Variants in CAMK1D observed in about 807,000 individuals in gnomAD.
The protein encoded by CAMK1D is calcium/calmodulin dependent protein kinase ID.
A neutral mutation model predicts 47.7 loss-of-function variants in CAMK1D; 9 were observed. The observed-to-expected ratio is 0.19, with a 90% CI of 0.11 to 0.33. The LOEUF (loss-of-function observed/expected upper bound fraction) is 0.33. Among genes scored for constraint, CAMK1D ranks in the 10% least tolerant of loss-of-function variants. The pLI is 1.00. For missense variants in CAMK1D, 291 were observed against 488.7 expected (o/e 0.60, Z 3.81); for synonymous variants, 184 against 184.9 (o/e 0.99, Z 0.04).
At chr10:12,387,527 G>A (rs566201993) in intron 1 of CAMK1D, among the ~76,000 whole-genome samples, 1 of 131,862 alleles carries the variant, frequency 7.6e-6, no homozygotes, top group Non-Finnish European at 1.6e-5. Context: ...TTTTTTTTGA[G>A]ACAGGGTCTG....
chr10:12,477,514 T>C (rs1180516508), intron 1 of CAMK1D, among the ~76,000 whole-genome samples: 1 of 152,184 alleles, frequency 6.6e-6, no homozygotes, highest in Non-Finnish European at 1.5e-5. Context: ...GAGTCTCCCC[T>C]GGAGTGTGGT....
intron 3 of CAMK1D, among the ~76,000 whole-genome samples, chr10:12,698,194 A>AT (rs1485133017): frequency 6.6e-6 from 1 of 152,234 alleles, no homozygotes; most frequent in Admixed American, 6.5e-5. Context: ...TATTTGATGC[A>AT]TAAACTCATG....
intron 1 of CAMK1D, among the ~76,000 whole-genome samples, chr10:12,350,979 C>T (rs554522970): frequency 2.6e-5 from 4 of 152,104 alleles, no homozygotes; most frequent in Non-Finnish European, 4.4e-5. Context: ...TTGTTGGGTG[C>T]CCTTTCTTTC....
Position 12,512,643 on chromosome 10 carries a change from G to A in CAMK1D, c.93-40582G>A, listed in dbSNP as rs529948926. 5.9e-5 allele frequency among the ~76,000 whole-genome samples: 9 copies of A among 152,280 alleles called. No individual in the cohort carries two copies. In the South Asian group the frequency reaches 6.2e-4, roughly 11 times the overall value. ...ACTCCGTAGTGGCTACTGGGGCATC[G>A]TTTTCTGATTTCCAGGTGCCCCTTT... On this transcript the variant is annotated intron_variant, in intron 1 of 10. Transcript: ENST00000619168.
At chr10:12,553,601 G>A (rs1836662932) in intron 2 of CAMK1D, among the ~76,000 whole-genome samples, 1 of 152,216 alleles carries the variant, frequency 6.6e-6, no homozygotes. Flanking sequence ...AGACTTGCTT[G>A]TGAACCGAGA....
intron 1 of CAMK1D, among the ~76,000 whole-genome samples, chr10:12,384,563 T>G (rs1838435850): frequency 6.6e-6 from 1 of 152,200 alleles, no homozygotes; most frequent in Non-Finnish European, 1.5e-5. Context: ...ACTGTCTTAT[T>G]GGTTAAGATA....
chr10:12,362,756 C>T (rs963823845), intron 1 of CAMK1D, among the ~76,000 whole-genome samples: 7 of 152,160 alleles, frequency 4.6e-5, no homozygotes, highest in Non-Finnish European at 7.3e-5. Context: ...CTGATCTGCC[C>T]GCCTCGGCCT....
chr10:12,790,610 C>CA (rs1837938073), intron 5 of CAMK1D, among the ~76,000 whole-genome samples: 11 of 121,990 alleles, frequency 9.0e-5, no homozygotes, highest in Non-Finnish European at 1.6e-4. Flanking sequence ...CACACACACA[C>CA]ACGCACACAC....
chr10:12,424,722 T>A (rs1425106118), intron 1 of CAMK1D, among the ~76,000 whole-genome samples: 1 of 152,044 alleles, frequency 6.6e-6, no homozygotes, highest in East Asian at 1.9e-4. Context: ...GGCAAGAGGA[T>A]CACTTGAGCC....
chr10:12,710,331 G>A (rs564469473), intron 3 of CAMK1D, among the ~76,000 whole-genome samples: 1 of 152,174 alleles, frequency 6.6e-6, no homozygotes, highest in Admixed American at 6.5e-5. Context: ...TTTCTGGACA[G>A]TGTCTTGATA....
At chr10:12,764,352 G>T (rs1836643651) in intron 4 of CAMK1D, among the ~76,000 whole-genome samples, 1 of 89,892 alleles carries the variant, frequency 1.1e-5, no homozygotes, top group Non-Finnish European at 2.0e-5. Flanking sequence ...TTGCACTCCA[G>T]TCTGGGCAAC....
At chr10:12,801,453 A>T (rs950108407) in intron 6 of CAMK1D, among the ~76,000 whole-genome samples, 1 of 149,382 alleles carries the variant, frequency 6.7e-6, no homozygotes, top group South Asian at 2.1e-4. Context: ...CCATCCATTC[A>T]TCTATCTATC....
intron 1 of CAMK1D, among the ~76,000 whole-genome samples, chr10:12,423,674 T>C (rs1840132410): frequency 6.6e-6 from 1 of 152,180 alleles, no homozygotes; most frequent in Admixed American, 6.5e-5. Context: ...TCAGTCTTCC[T>C]TTTCCCAATC....
At chr10:12,620,946 G>C (rs1370550164) in intron 2 of CAMK1D, among the ~76,000 whole-genome samples, 1 of 152,152 alleles carries the variant, frequency 6.6e-6, no homozygotes, top group East Asian at 1.9e-4. Context: ...TTTTGTATAA[G>C]GGGTGAGATT....
At chr10:12,828,157 C>G (rs190386467) in intron 10 of CAMK1D, among the ~76,000 whole-genome samples, 1 of 152,300 alleles carries the variant, frequency 6.6e-6, no homozygotes, top group East Asian at 1.9e-4. Flanking sequence ...AGCCTGGTGC[C>G]TGCTACATAT....
intron 1 of CAMK1D, among the ~76,000 whole-genome samples, chr10:12,425,496 T>C (rs1840200601): frequency 6.6e-6 from 1 of 152,004 alleles, no homozygotes; most frequent in South Asian, 2.1e-4. Context: ...TGGCCAGGCT[T>C]GTCTTGAACT....
chr10:12,622,268 G>A (rs1410742338), intron 2 of CAMK1D, among the ~76,000 whole-genome samples: 2 of 152,120 alleles, frequency 1.3e-5, no homozygotes, highest in African/African-American at 4.8e-5. Flanking sequence ...GGAGTTGAGC[G>A]GTTGTTGTCT....
At chr10:12,688,219 T>C (rs1832733898) in intron 3 of CAMK1D, among the ~76,000 whole-genome samples, 1 of 152,220 alleles carries the variant, frequency 6.6e-6, no homozygotes, top group African/African-American at 2.4e-5. Flanking sequence ...TTTCTCCACC[T>C]GAAGTCTCTC....
chr10:12,506,568 A>G (rs1564378794), intron 1 of CAMK1D, among the ~76,000 whole-genome samples: 1 of 151,754 alleles, frequency 6.6e-6, no homozygotes. Flanking sequence ...CCAGACTCTG[A>G]AGTGCAGTGG....
Sources: allele counts gnomAD v4.1 joint callset (sites outside exome capture counted in the v4.1 genomes callset), GRCh38; gene constraint gnomAD v4.1.1; transcripts MANE v1.5; gene names NCBI Gene and HGNC (gene_info 2026-07-23, HGNC 2026-07-21).